The following IMPG1 variants were observed in gnomAD, a reference collection of about 807,000 sequenced individuals.
IMPG1 encodes the protein interphotoreceptor matrix proteoglycan 1, also known as interphotoreceptor matrix proteoglycan of 150 kDa.
A neutral mutation model predicts 92.0 loss-of-function variants in IMPG1; 85 were observed. The observed-to-expected ratio is 0.92, with a 90% confidence interval of 0.78 to 1.11. The LOEUF is 1.11. Among genes scored for constraint, IMPG1 ranks in the 50% least tolerant of loss-of-function variants. The probability of loss-of-function intolerance (pLI) is 0.00; values close to 1 mark genes in which losing one functional copy is unlikely to be tolerated. For synonymous variants in IMPG1, 367 were observed against 334.1 expected, an observed-to-expected ratio of 1.10 and a Z score of -1.08; for missense variants, 1,022 against 956.0, an observed-to-expected ratio of 1.07 and a Z score of -0.91.
chr6:75,974,352 TTTC>T (rs1163392199), intron 12 of IMPG1, among the ~76,000 whole-genome samples: 13 of 117,564 alleles, frequency 1.1e-4, no homozygotes, highest in South Asian at 6.1e-4. Flanking sequence ...TCTTTCTTTC[TTTC>T]TTTCTTTCTT....
intron 6 of IMPG1, among the ~76,000 whole-genome samples, chr6:76,021,362 T>A (rs1460044785): frequency 6.6e-6 from 1 of 152,200 alleles, no homozygotes; most frequent in Non-Finnish European, 1.5e-5. Context: ...AGCTTCACCC[T>A]GACAACCTTG....
chr6:75,977,022 T>C (rs958404389), intron 12 of IMPG1, among the ~76,000 whole-genome samples: 4 of 152,134 alleles, frequency 2.6e-5, no homozygotes, highest in Admixed American at 2.6e-4. Context: ...GTGATTCTAA[T>C]GTGTAGTCAT....
intron 9 of IMPG1, among the ~76,000 whole-genome samples, chr6:76,006,057 T>C (rs771801636): frequency 3.6e-4 from 54 of 152,086 alleles, no homozygotes; most frequent in Admixed American, 2.9e-3. Context: ...TTCAAACTCA[T>C]GGCTCAAGCG....
chr6:76,069,878 G>T (rs1018831527), intron 1 of IMPG1, among the ~76,000 whole-genome samples: 3 of 152,068 alleles, frequency 2.0e-5, no homozygotes, highest in Non-Finnish European at 1.5e-5. Flanking sequence ...ATTAATGCAG[G>T]AACAGAAAAC....
chr6:76,003,805 G>A, intron 11 of IMPG1, 69 bp downstream of exon 11: 1 of 1,149,592 alleles, frequency 8.7e-7, no homozygotes, highest in Non-Finnish European at 1.3e-6. Flanking sequence ...TTCTTAAGCT[G>A]ATTTGTTCTT....
At chr6:75,996,849 A>G (rs1267358305) in intron 12 of IMPG1, among the ~76,000 whole-genome samples, 2 of 152,236 alleles carry the variant, frequency 1.3e-5, no homozygotes, top group Non-Finnish European at 2.9e-5. Flanking sequence ...ATGAGGAATA[A>G]TTATGGAAAT....
intron 4 of IMPG1, among the ~76,000 whole-genome samples, chr6:76,027,179 G>A (rs186727680): frequency 1.0e-3 from 154 of 152,308 alleles, no homozygotes; most frequent in African/African-American, 3.6e-3. Flanking sequence ...AAATGAAGGT[G>A]TCATTAAAAT....
intron 7 of IMPG1, among the ~76,000 whole-genome samples, chr6:76,012,213 T>G (rs899080732): frequency 6.6e-6 from 1 of 152,196 alleles, no homozygotes; most frequent in Non-Finnish European, 1.5e-5. Context: ...TATTTTATAA[T>G]TGCTGTACTA....
In IMPG1 at chr6:76,002,751, C is replaced by T. The variant is rs561731258; in HGVS notation, c.1291+167G>A. Among the ~76,000 whole-genome samples the T allele has an allele frequency of 9.2e-5, 14 of 152,328 alleles. No homozygotes were observed. The South Asian group carries it at 2.9e-3, about 32-fold the overall frequency. The stretch of plus-strand genomic sequence containing the variant: ...AGGATGCTGTGGATGTCCTCCTCTG[C>T]AGAAAGGTTAGTTCAATGGACTGCT... On this transcript the variant is annotated intron_variant, in intron 12 of 16. Coordinates refer to ENST00000369950, the MANE Select transcript of IMPG1 (RefSeq NM_001563.4).
intron 14 of IMPG1, chr6:75,934,994 C>G: frequency 2.1e-6 from 1 of 471,328 alleles, no homozygotes; most frequent in Non-Finnish European, 4.4e-6. Context: ...CTCAGCTTGC[C>G]TATAAAATTC....
chr6:75,966,722 A>G (rs1782313315), intron 12 of IMPG1, among the ~76,000 whole-genome samples: 1 of 152,252 alleles, frequency 6.6e-6, no homozygotes, highest in Non-Finnish European at 1.5e-5. Flanking sequence ...GAAAAAGAAC[A>G]AAGTTCAGAA....
chr6:75,929,177 T>C (rs1781618707), intron 15 of IMPG1, among the ~76,000 whole-genome samples: 2 of 150,558 alleles, frequency 1.3e-5, no homozygotes, highest in Admixed American at 1.3e-4. Context: ...TAATGACAAA[T>C]TTCTTTTGAA....
At chr6:76,003,120 A>G in intron 11 of IMPG1, 124 bp from the exon 12 acceptor site, 3 of 690,620 alleles carry the variant, frequency 4.3e-6, no homozygotes, top group Non-Finnish European at 8.0e-6. Flanking sequence ...GTTGACTTGA[A>G]TCTACTATGG....
intron 12 of IMPG1, among the ~76,000 whole-genome samples, chr6:75,976,271 A>G (rs1782531058): frequency 6.6e-6 from 1 of 152,232 alleles, no homozygotes. Context: ...CGTGAATCAA[A>G]AGGCTGAGAG....
chr6:76,047,740 T>C (rs886533678), intron 1 of IMPG1, among the ~76,000 whole-genome samples: 10 of 152,198 alleles, frequency 6.6e-5, no homozygotes, highest in Non-Finnish European at 1.5e-4. Context: ...AATATATATA[T>C]GAATTAGATT....
At chr6:76,056,585 T>G (rs1381965331) in intron 1 of IMPG1, among the ~76,000 whole-genome samples, 2 of 152,168 alleles carry the variant, frequency 1.3e-5, no homozygotes, top group Admixed American at 1.3e-4. Flanking sequence ...AATTCTATTT[T>G]TAATTTTTTG....
rs73466831 is a variant in IMPG1 at position 75,986,482 on chromosome 6, C to T, written c.1291+16436G>A. On this transcript the variant is annotated intron_variant, in intron 12 of 16. Coordinates refer to ENST00000369950, the MANE Select transcript of IMPG1 (RefSeq NM_001563.4). ...ATTGGTTTTGAATTGATGGAGGACA[C>T]TGAAGGCTCAGATCTAGAAGGGGAT... is the stretch of plus-strand genomic sequence containing the variant. Among the ~76,000 whole-genome samples, 1,352 of 152,232 alleles carry T rather than the reference C, an allele frequency of 8.9e-3. 26 individuals are homozygous for T. Among genetic ancestry groups the T allele is most frequent in the African/African-American group, 0.031 (1,284 of 41,542 alleles).
chr6:75,937,483 G>A (rs6453850), intron 14 of IMPG1, among the ~76,000 whole-genome samples: 50,846 of 151,934 alleles, frequency 0.33, 8,572 homozygotes, highest in South Asian at 0.39. Flanking sequence ...CACAAATCTG[G>A]CTTTGAATTC....
intron 4 of IMPG1, among the ~76,000 whole-genome samples, chr6:76,032,898 T>C (rs1057133158): frequency 1.3e-5 from 2 of 152,030 alleles, no homozygotes; most frequent in African/African-American, 2.4e-5. Context: ...GTTGGAAAGG[T>C]CAGGAGGTGA....
Sources: allele counts gnomAD v4.1 joint callset (sites outside exome capture counted in the v4.1 genomes callset), GRCh38; gene constraint gnomAD v4.1.1; transcripts MANE v1.5; gene names NCBI Gene and HGNC (gene_info 2026-07-23, HGNC 2026-07-21).